TENM3: variants seen among roughly 807,000 people sequenced by gnomAD.
TENM3 encodes teneurin transmembrane protein 3.
A neutral mutation model predicts 255.1 loss-of-function variants in TENM3; 63 were observed. The ratio of observed to expected loss-of-function variants is 0.25; its 90% CI spans 0.20 to 0.30. The LOEUF (loss-of-function observed/expected upper bound fraction) is 0.30, where lower values mean the gene tolerates loss of function less well. TENM3 is among the 10% of genes least tolerant of loss of function. The pLI, the probability that TENM3 is intolerant of heterozygous loss-of-function variation, is 1.00. For missense variants in TENM3, 2,929 were observed against 3,461.1 expected (o/e 0.85, Z 3.86); for synonymous variants, 1,306 against 1,322.3 (o/e 0.99, Z 0.27).
intron 13 of TENM3, 82 bp downstream of exon 13, chr4:182,714,315 CAAAAAAAAAAAAAA>C: frequency 7.2e-6 from 1 of 138,148 alleles, no homozygotes; most frequent in South Asian, 2.6e-4. Context: ...TATCTGTTGC[CAAAAAAAAAAAAAA>C]AAAAAAAAAA....
chr4:182,645,235 G>C (rs1752639148), intron 5 of TENM3, among the ~76,000 whole-genome samples: 1 of 151,978 alleles, frequency 6.6e-6, no homozygotes, highest in South Asian at 2.1e-4. Context: ...AGTAAAGTTT[G>C]AAGTACCACA....
chr4:182,050,720 CTT>C, the TENM3 span, among the ~76,000 whole-genome samples: 5 of 152,254 alleles, frequency 3.3e-5, no homozygotes, highest in African/African-American at 1.2e-4. Context: ...GGGAGAATCT[CTT>C]GAGCCCCAGA....
chr4:182,336,590 T>A lies in TENM3; in HGVS notation c.233-10061T>A, dbSNP rs1028158884. Among the ~76,000 whole-genome samples the A allele has an allele frequency of 3.9e-5, 6 of 152,232 alleles. No individual in the cohort carries two copies. The South Asian group carries it at 1.2e-3, about 32-fold the overall frequency. On this transcript the variant is annotated intron_variant, in intron 2 of 27. Coordinates refer to ENST00000511685, the MANE Select transcript of TENM3 (RefSeq NM_001080477.4). ...GCAGGTTGGTTCTACCCTTTGGGGG[T>A]TGGAGAAGAAAAGCACCTTTCCAGA...
intron 17 of TENM3, among the ~76,000 whole-genome samples, chr4:182,737,607 T>G (rs1761267111): frequency 6.6e-6 from 1 of 152,154 alleles, no homozygotes; most frequent in Non-Finnish European, 1.5e-5. Context: ...AACAGTGCAA[T>G]CAAAGTGTGA....
intron 24 of TENM3, among the ~76,000 whole-genome samples, chr4:182,786,410 T>G (rs890016577): frequency 2.0e-5 from 3 of 151,758 alleles, no homozygotes; most frequent in African/African-American, 7.2e-5. Context: ...ATACAAAAAT[T>G]AGCAAGGTGT....
chr4:181,980,689 A>G, the TENM3 span, among the ~76,000 whole-genome samples: 1 of 152,140 alleles, frequency 6.6e-6, no homozygotes, highest in African/African-American at 2.4e-5. Context: ...CTAATTTCTA[A>G]TTTTCAAATG....
intron 1 of TENM3, among the ~76,000 whole-genome samples, chr4:182,193,900 T>A (rs575461434): frequency 3.3e-4 from 51 of 152,322 alleles, no homozygotes; most frequent in Non-Finnish European, 6.3e-4. Flanking sequence ...TAAATAGAAA[T>A]GTATTTCAGA....
chr4:181,476,870 AT>A, the TENM3 span, among the ~76,000 whole-genome samples: 618 of 152,250 alleles, frequency 4.1e-3, 8 homozygotes, highest in East Asian at 4.6e-3. Context: ...TCTGGATGGG[AT>A]TTGGCACTCA....
the TENM3 span, among the ~76,000 whole-genome samples, chr4:181,539,685 G>A: frequency 7.9e-5 from 12 of 152,282 alleles, no homozygotes; most frequent in Non-Finnish European, 1.6e-4. Flanking sequence ...TTGGATTAAT[G>A]CAGATGGACA....
chr4:181,919,787 G>T, the TENM3 span, among the ~76,000 whole-genome samples: 16 of 151,166 alleles, frequency 1.1e-4, no homozygotes, highest in African/African-American at 1.7e-4. Flanking sequence ...CAATGTGAAG[G>T]TTAGTTACAT....
chr4:181,551,123 G>T, the TENM3 span, among the ~76,000 whole-genome samples: 603 of 152,272 alleles, frequency 4.0e-3, 4 homozygotes, highest in African/African-American at 0.014. Flanking sequence ...GCAGGTTATG[G>T]TAGCATGCTC....
At chr4:182,724,102 A>G (rs1250252852) in intron 13 of TENM3, among the ~76,000 whole-genome samples, 1 of 152,218 alleles carries the variant, frequency 6.6e-6, no homozygotes, top group Non-Finnish European at 1.5e-5. Context: ...AAACAGAAGA[A>G]AGACAGGCTC....
At chr4:181,799,527 A>AG in the TENM3 span, among the ~76,000 whole-genome samples, 1 of 152,256 alleles carries the variant, frequency 6.6e-6, no homozygotes, top group African/African-American at 2.4e-5. Context: ...ATTTAATCAA[A>AG]GCATGATCAT....
intron 1 of TENM3, among the ~76,000 whole-genome samples, chr4:182,278,692 A>G (rs180944221): frequency 0.017 from 2,640 of 151,674 alleles, 43 homozygotes; most frequent in Non-Finnish European, 0.025. Flanking sequence ...GGAGGTGGAA[A>G]TCAGCTCCAT....
At chr4:182,587,636 C>T (rs1184622455) in intron 3 of TENM3, among the ~76,000 whole-genome samples, 2 of 152,174 alleles carry the variant, frequency 1.3e-5, no homozygotes, top group East Asian at 1.9e-4. Flanking sequence ...GTCTTGAAAT[C>T]GTGGTCTCAA....
the TENM3 span, among the ~76,000 whole-genome samples, chr4:181,641,546 G>GTC: frequency 2.5e-5 from 1 of 39,288 alleles, no homozygotes; most frequent in Non-Finnish European, 4.6e-5. Context: ...GTATTCCATG[G>GTC]TGTGTGTGTA....
the TENM3 span, among the ~76,000 whole-genome samples, chr4:182,091,522 AG>A: frequency 6.6e-6 from 1 of 152,150 alleles, no homozygotes; most frequent in East Asian, 1.9e-4. Flanking sequence ...AGCTCAAAGG[AG>A]GAGACCTGCG....
chr4:182,206,454 G>C (rs1754584431), intron 1 of TENM3, among the ~76,000 whole-genome samples: 1 of 152,158 alleles, frequency 6.6e-6, no homozygotes, highest in Non-Finnish European at 1.5e-5. Flanking sequence ...CTCCCTCTCT[G>C]AGCCTTGGAT....
chr4:182,144,639 C>T (rs1420036788), upstream of TENM3: 5 of 147,090 alleles, frequency 3.4e-5, no homozygotes, highest in African/African-American at 7.4e-5. Flanking sequence ...CGGCGGGGCC[C>T]CCCTCCCCCG....
Sources: gnomAD v4.1 joint callset for allele counts (sites outside exome capture counted in the v4.1 genomes callset) on GRCh38, gnomAD v4.1.1 for gene constraint, MANE v1.5 for transcripts, NCBI Gene and HGNC (gene_info 2026-07-23, HGNC 2026-07-21) for gene names.